The following PTPRD variants were observed in gnomAD, a reference collection of about 807,000 sequenced individuals.
PTPRD encodes protein tyrosine phosphatase receptor type D, also known as receptor-type tyrosine-protein phosphatase delta.
A neutral mutation model predicts 214.5 loss-of-function variants in PTPRD; 34 were observed. The observed-to-expected ratio is 0.16, with a 90% CI of 0.12 to 0.21. PTPRD has a LOEUF of 0.21. Among genes scored for constraint, PTPRD ranks in the 10% least tolerant of loss-of-function variants. The pLI is 1.00. For synonymous variants in PTPRD, 1,128 were observed against 845.7 expected, an observed-to-expected ratio of 1.33 and a Z score of -5.79; for missense variants, 2,545 against 2,398.7, an observed-to-expected ratio of 1.06 and a Z score of -1.27.
intron 12 of PTPRD, among the ~76,000 whole-genome samples, chr9:8,642,447 G>A (rs1371902212): frequency 1.3e-5 from 2 of 152,188 alleles, no homozygotes; most frequent in South Asian, 2.1e-4. Flanking sequence ...AAATGAGACA[G>A]GGAGAGAATG....
chr9:10,196,979 C>G (rs1427225723), intron 3 of PTPRD, among the ~76,000 whole-genome samples: 2 of 152,132 alleles, frequency 1.3e-5, no homozygotes, highest in Admixed American at 6.6e-5. Context: ...CGGAACCTGA[C>G]CATGCTGGCA....
At chr9:10,016,299 C>G (rs190013045) in intron 4 of PTPRD, among the ~76,000 whole-genome samples, 1 of 151,894 alleles carries the variant, frequency 6.6e-6, no homozygotes, top group East Asian at 1.9e-4. Flanking sequence ...TGAGTTATAA[C>G]TATTTGAATA....
intron 8 of PTPRD, among the ~76,000 whole-genome samples, chr9:9,417,029 A>G (rs1451005614): frequency 1.3e-5 from 2 of 152,148 alleles, no homozygotes; most frequent in Admixed American, 6.6e-5. Flanking sequence ...AAATAAACCA[A>G]TGAACAAAAA....
intron 2 of PTPRD, among the ~76,000 whole-genome samples, chr9:10,561,670 T>G (rs1434829895): frequency 6.6e-6 from 1 of 152,118 alleles, no homozygotes; most frequent in Non-Finnish European, 1.5e-5. Context: ...ATGTCTTCAT[T>G]TTCTATTTTG....
At chr9:10,549,244 A>G (rs2060789183) in intron 2 of PTPRD, among the ~76,000 whole-genome samples, 1 of 152,152 alleles carries the variant, frequency 6.6e-6, no homozygotes, top group South Asian at 2.1e-4. Flanking sequence ...AAAGTAGTTG[A>G]ACATAATGCA....
chr9:9,826,740 T>C (rs1172522788), intron 5 of PTPRD, among the ~76,000 whole-genome samples: 1 of 152,066 alleles, frequency 6.6e-6, no homozygotes, highest in African/African-American at 2.4e-5. Context: ...TTCTTCATGA[T>C]TATGTATCTA....
chr9:9,627,401 T>C (rs2095456285), intron 7 of PTPRD, among the ~76,000 whole-genome samples: 1 of 152,204 alleles, frequency 6.6e-6, no homozygotes. Flanking sequence ...TTGTCATCTA[T>C]GTTAATAATT....
chr9:10,590,746 T>C (rs566825621), intron 2 of PTPRD, among the ~76,000 whole-genome samples: 1 of 151,970 alleles, frequency 6.6e-6, no homozygotes, highest in South Asian at 2.1e-4. Flanking sequence ...TCCTCCTCTA[T>C]ACAGGCACTC....
At chr9:9,429,712 T>C (rs772662983) in intron 8 of PTPRD, among the ~76,000 whole-genome samples, 18 of 152,204 alleles carry the variant, frequency 1.2e-4, no homozygotes, top group Non-Finnish European at 2.5e-4. Flanking sequence ...CATGATCAAG[T>C]GGGCTTCATC....
intron 5 of PTPRD, among the ~76,000 whole-genome samples, chr9:9,928,787 C>CACACACACAA (rs1367819568): frequency 2.0e-5 from 3 of 151,674 alleles, no homozygotes; most frequent in Non-Finnish European, 4.4e-5. Context: ...CACACACACA[C>CACACACACAA]AATTTGCATT....
chr9:8,444,902 G>C (rs1333771718), intron 34 of PTPRD, among the ~76,000 whole-genome samples: 1 of 152,128 alleles, frequency 6.6e-6, no homozygotes, highest in Non-Finnish European at 1.5e-5. Context: ...ACCCATCCTA[G>C]TGCGCACCCA....
chr9:8,393,811 A>G (rs555022121), intron 36 of PTPRD, among the ~76,000 whole-genome samples: 2 of 152,256 alleles, frequency 1.3e-5, no homozygotes, highest in East Asian at 3.9e-4. Flanking sequence ...TATTATACCA[A>G]TATGCTCCAT....
chr9:8,607,367 G>A (rs983741992), intron 14 of PTPRD, among the ~76,000 whole-genome samples: 6 of 152,134 alleles, frequency 3.9e-5, no homozygotes, highest in African/African-American at 1.4e-4. Context: ...GAATAGGGCC[G>A]GGTGCGGTGC....
chr9:9,902,575 T>C (rs1181860780), intron 5 of PTPRD, among the ~76,000 whole-genome samples: 1 of 152,162 alleles, frequency 6.6e-6, no homozygotes, highest in Admixed American at 6.6e-5. Flanking sequence ...AAAAAGAAAC[T>C]AGCACATTTA....
chr9:8,900,662 C>T (rs2098660802), intron 11 of PTPRD, among the ~76,000 whole-genome samples: 1 of 152,092 alleles, frequency 6.6e-6, no homozygotes, highest in African/African-American at 2.4e-5. Flanking sequence ...GATAGTATAG[C>T]AGTATGAGTG....
At chr9:10,042,292 C>T (rs59263197) in intron 3 of PTPRD, among the ~76,000 whole-genome samples, 4,068 of 151,932 alleles carry the variant, frequency 0.027, 192 homozygotes, top group African/African-American at 0.093. Flanking sequence ...GAGGAATCAG[C>T]AAAAAGAGGC....
intron 8 of PTPRD, among the ~76,000 whole-genome samples, chr9:9,521,875 T>C (rs971111765): frequency 3.9e-5 from 6 of 152,038 alleles, no homozygotes; most frequent in African/African-American, 1.4e-4. Context: ...TGGTCTGTTC[T>C]GGCCAGGTGC....
chr9:10,566,692 A>C (rs960383624), intron 2 of PTPRD, among the ~76,000 whole-genome samples: 2 of 151,938 alleles, frequency 1.3e-5, no homozygotes, highest in African/African-American at 2.4e-5. Flanking sequence ...TTTTAATGCA[A>C]CTGAAGTCAG....
intron 27 of PTPRD, among the ~76,000 whole-genome samples, chr9:8,487,409 G>C (rs1421506887): frequency 1.3e-5 from 2 of 151,914 alleles, no homozygotes; most frequent in African/African-American, 4.8e-5. Context: ...ATGATCATCA[G>C]AATAAAAACT....
Sources: gnomAD v4.1 joint callset for allele counts (sites outside exome capture counted in the v4.1 genomes callset) on GRCh38, gnomAD v4.1.1 for gene constraint, MANE v1.5 for transcripts, NCBI Gene and HGNC (gene_info 2026-07-23, HGNC 2026-07-21) for gene names.